CCDC7: variants seen among roughly 807,000 people sequenced by gnomAD.
CCDC7 encodes the protein coiled-coil domain-containing protein 7.
A neutral mutation model predicts 196.9 loss-of-function variants in CCDC7; 183 were observed. The ratio of observed to expected loss-of-function variants is 0.93; its 90% CI spans 0.82 to 1.05. The LOEUF (loss-of-function observed/expected upper bound fraction) is 1.05, where lower values mean the gene tolerates loss of function less well. CCDC7 is among the 50% of genes least tolerant of loss of function. CCDC7 has a pLI of 0.00. For synonymous variants in CCDC7, 525 were observed against 484.6 expected (o/e 1.08, Z -1.10); for missense variants, 1,540 against 1,482.2 (o/e 1.04, Z -0.64).
At chr10:32,814,118 C>T (rs928668245) in intron 30 of CCDC7, among the ~76,000 whole-genome samples, 2 of 152,048 alleles carry the variant, frequency 1.3e-5, no homozygotes, top group Non-Finnish European at 2.9e-5. Context: ...CCACCACACC[C>T]AGCTAATTTT....
chr10:32,829,696 G>A (rs533964390), intron 32 of CCDC7, among the ~76,000 whole-genome samples: 1 of 152,024 alleles, frequency 6.6e-6, no homozygotes, highest in Non-Finnish European at 1.5e-5. Flanking sequence ...ATTGACAAGG[G>A]ATGGACTTAT....
intron 20 of CCDC7, among the ~76,000 whole-genome samples, chr10:32,650,004 C>T (rs1400379352): frequency 2.0e-5 from 3 of 152,212 alleles, no homozygotes; most frequent in Non-Finnish European, 2.9e-5. Context: ...AATTCCATGT[C>T]TGTCATTTCA....
intron 2 of CCDC7, among the ~76,000 whole-genome samples, chr10:32,455,457 G>A (rs940751773): frequency 2.0e-5 from 3 of 151,938 alleles, no homozygotes; most frequent in Non-Finnish European, 4.4e-5. Context: ...TGGGATTACC[G>A]GTGTGCGGCG....
intron 29 of CCDC7, among the ~76,000 whole-genome samples, chr10:32,786,005 G>A (rs975957288): frequency 6.6e-6 from 1 of 152,148 alleles, no homozygotes; most frequent in Non-Finnish European, 1.5e-5. Context: ...TGGGCTCAAT[G>A]CAAGCCTAGC....
intron 31 of CCDC7, among the ~76,000 whole-genome samples, chr10:32,818,831 T>A (rs2089466977): frequency 6.6e-6 from 1 of 152,074 alleles, no homozygotes; most frequent in African/African-American, 2.4e-5. Context: ...AGAGGGAAAT[T>A]TATAGCACTA....
intron 28 of CCDC7, among the ~76,000 whole-genome samples, chr10:32,774,118 A>T (rs562038927): frequency 6.6e-6 from 1 of 152,332 alleles, no homozygotes; most frequent in South Asian, 2.1e-4. Flanking sequence ...GAGGCTTCAC[A>T]TGAATATGTG....
chr10:32,781,694 A>T (rs2081091131), intron 29 of CCDC7, among the ~76,000 whole-genome samples: 1 of 152,216 alleles, frequency 6.6e-6, no homozygotes, highest in Non-Finnish European at 1.5e-5. Context: ...CACAACTAAC[A>T]TCATATTCAA....
intron 3 of CCDC7, among the ~76,000 whole-genome samples, chr10:32,457,664 C>G (rs537810436): frequency 1.3e-4 from 20 of 152,216 alleles, no homozygotes; most frequent in East Asian, 5.8e-4. Flanking sequence ...TATATATGTT[C>G]CCTTTTCTCT....
At chr10:32,544,434 G>T in intron 13 of CCDC7, 133 bp downstream of exon 14, 1 of 795,856 alleles carries the variant, frequency 1.3e-6, no homozygotes, top group Non-Finnish European at 1.8e-6. Flanking sequence ...CTCTGTGTGT[G>T]TGTGTACTAA....
At chr10:32,492,082 T>A in intron 9 of CCDC7, 85 bp downstream of exon 10, 1 of 1,328,344 alleles carries the variant, frequency 7.5e-7, no homozygotes, top group Non-Finnish European at 9.8e-7. Flanking sequence ...ATGTAATATG[T>A]TCATTGAAAA....
At chr10:32,753,888 G>A (rs535194931) in intron 28 of CCDC7, among the ~76,000 whole-genome samples, 4 of 151,816 alleles carry the variant, frequency 2.6e-5, no homozygotes, top group African/African-American at 9.7e-5. Flanking sequence ...CATAAATTTC[G>A]TTTTTTGTGA....
chr10:32,805,517 A>T (rs1384041817), intron 30 of CCDC7, among the ~76,000 whole-genome samples: 2 of 152,184 alleles, frequency 1.3e-5, no homozygotes, highest in Non-Finnish European at 2.9e-5. Context: ...TATACTTTAA[A>T]ATGTCAGGCA....
At chr10:32,712,844 G>A (rs1270270560) in intron 25 of CCDC7, among the ~76,000 whole-genome samples, 1 of 152,166 alleles carries the variant, frequency 6.6e-6, no homozygotes, top group South Asian at 2.1e-4. Flanking sequence ...ACCCTTATCA[G>A]TACAGAGTTT....
chr10:32,666,430 G>A (rs961444276), intron 21 of CCDC7, among the ~76,000 whole-genome samples: 2 of 151,860 alleles, frequency 1.3e-5, no homozygotes, highest in Admixed American at 1.3e-4. Flanking sequence ...ACAACGTGCA[G>A]GTTTGTTACA....
intron 18 of CCDC7, among the ~76,000 whole-genome samples, chr10:32,599,462 G>C (rs1034585714): frequency 1.3e-5 from 2 of 151,844 alleles, no homozygotes; most frequent in African/African-American, 4.8e-5. Context: ...TATTATATTT[G>C]TTTTCAGTAT....
At position 32,669,085 on chromosome 10, in the gene CCDC7, C is replaced by G. The variant is rs376684692; in HGVS notation, c.2122+4924C>G. On this transcript the variant is annotated intron_variant, in intron 21 of 41. Coordinates refer to ENST00000639629, the Ensembl canonical transcript of CCDC7. The stretch of plus-strand genomic sequence containing the variant: ...TGAGGTACAATCCTCCTATACCTAA[C>G]TGGTTTAAAATTTTTATTTTGAAAT... Among the ~76,000 whole-genome samples, 23 of 152,112 alleles carry G rather than the reference C, an allele frequency of 1.5e-4. 1 individual carries two copies. Among genetic ancestry groups the G allele is most frequent in the Admixed American group, 8.5e-4 (13 of 15,260 alleles).
chr10:32,615,061 C>G (rs1222867692), intron 18 of CCDC7, among the ~76,000 whole-genome samples: 1 of 152,168 alleles, frequency 6.6e-6, no homozygotes, highest in Non-Finnish European at 1.5e-5. Flanking sequence ...ACACTACATT[C>G]TCTTTATCCA....
chr10:32,829,223 GC>G (rs755749766), intron 32 of CCDC7, among the ~76,000 whole-genome samples: 4 of 152,266 alleles, frequency 2.6e-5, no homozygotes, highest in African/African-American at 4.8e-5. Context: ...ACTACAAATA[GC>G]ACAGACCCTT....
At chr10:32,814,938 G>A (rs1257123548) in intron 31 of CCDC7, among the ~76,000 whole-genome samples, 1 of 152,066 alleles carries the variant, frequency 6.6e-6, no homozygotes, top group Non-Finnish European at 1.5e-5. Flanking sequence ...GTCATCCGAG[G>A]GAAACTGTTT....
Sources: allele counts gnomAD v4.1 joint callset (sites outside exome capture counted in the v4.1 genomes callset), GRCh38; gene constraint gnomAD v4.1.1; transcripts MANE v1.5; gene names NCBI Gene and HGNC (gene_info 2026-07-23, HGNC 2026-07-21).